Variants in TSHZ3 observed in about 807,000 individuals in gnomAD.
The protein encoded by TSHZ3 is teashirt zinc finger homeobox 3.
Under a neutral mutation model 64.5 loss-of-function variants are expected in TSHZ3, and 10 were observed. That is an observed-to-expected ratio of 0.16 (90% CI 0.10 to 0.26). The LOEUF (loss-of-function observed/expected upper bound fraction) is 0.26. Ranked by LOEUF, TSHZ3 falls within the 10% of genes least tolerant of loss-of-function variation. The probability of loss-of-function intolerance (pLI) is 1.00; values close to 1 mark genes in which losing one functional copy is unlikely to be tolerated. For missense variants in TSHZ3, 1,242 were observed against 1,421.7 expected, an observed-to-expected ratio of 0.87 and a Z score of 2.03; for synonymous variants, 608 against 593.1, an observed-to-expected ratio of 1.03 and a Z score of -0.36.
chr19:31,169,124 AAGAG>A (rs796153930), intron 5 of TSHZ3, among the ~76,000 whole-genome samples: 7 of 151,334 alleles, frequency 4.6e-5, no homozygotes, highest in Admixed American at 1.3e-4. Context: ...TGAAAAAAAA[AAGAG>A]AGAGAGAGAG....
At chr19:31,326,079 C>A (rs567275728) in intron 1 of TSHZ3, among the ~76,000 whole-genome samples, 1 of 152,330 alleles carries the variant, frequency 6.6e-6, no homozygotes, top group South Asian at 2.1e-4. Flanking sequence ...CTTTTGGATG[C>A]ATGTCAAAGT....
chr19:31,338,064 C>T (rs368421037), intron 1 of TSHZ3, among the ~76,000 whole-genome samples: 5 of 152,222 alleles, frequency 3.3e-5, no homozygotes, highest in South Asian at 4.1e-4. Context: ...TTTGCACTAT[C>T]GGGGCTCTCC....
At chr19:31,224,760 A>G (rs558171804) in intron 4 of TSHZ3, among the ~76,000 whole-genome samples, 1 of 152,354 alleles carries the variant, frequency 6.6e-6, no homozygotes, top group East Asian at 1.9e-4. Context: ...TAAAAACAAT[A>G]AAACAAGGGG....
chr19:31,214,317 G>A (rs1372582915), intron 4 of TSHZ3, among the ~76,000 whole-genome samples: 1 of 152,208 alleles, frequency 6.6e-6, no homozygotes, highest in Non-Finnish European at 1.5e-5. Flanking sequence ...CTCAGCTGGC[G>A]TGACCTCATA....
chr19:31,194,245 C>G (rs773636725), intron 5 of TSHZ3, among the ~76,000 whole-genome samples: 3 of 152,110 alleles, frequency 2.0e-5, no homozygotes, highest in Non-Finnish European at 4.4e-5. Flanking sequence ...AGTTTTACCC[C>G]CTGGAGCTGG....
chr19:31,263,472 C>A lies in TSHZ3; in HGVS notation n.64-20597G>T, dbSNP rs1032495356. On this transcript the variant is annotated intron_variant and non_coding_transcript_variant, in intron 1 of 6. Transcript: ENST00000651361. ...CCCCAGCAGCGAGCACGAGGAGCTG[C>A]GAAGGCATGAAGGAAAGCTGCCTTC... Among the ~76,000 whole-genome samples, 9 of 152,314 alleles carry A rather than the reference C, an allele frequency of 5.9e-5. No homozygotes were observed. In the South Asian group the frequency reaches 6.2e-4, roughly 11 times the overall value.
chr19:31,324,806 T>C (rs1296170660), intron 1 of TSHZ3, among the ~76,000 whole-genome samples: 1 of 151,710 alleles, frequency 6.6e-6, no homozygotes. Context: ...GGTATAGTGA[T>C]TCCATGGAAG....
intron 5 of TSHZ3, among the ~76,000 whole-genome samples, chr19:31,201,505 T>C (rs1311555282): frequency 6.6e-6 from 1 of 152,206 alleles, no homozygotes; most frequent in Non-Finnish European, 1.5e-5. Context: ...TATGGAAATA[T>C]CAATGATTTT....
intron 1 of TSHZ3, among the ~76,000 whole-genome samples, chr19:31,315,439 C>T (rs903692018): frequency 2.6e-5 from 4 of 152,116 alleles, no homozygotes; most frequent in Admixed American, 6.5e-5. Context: ...CTCCTGGGGG[C>T]GGGGTGCTGG....
chr19:31,249,646 G>A (rs1328900984), intron 1 of TSHZ3, among the ~76,000 whole-genome samples: 1 of 152,204 alleles, frequency 6.6e-6, no homozygotes, highest in Non-Finnish European at 1.5e-5. Flanking sequence ...GTTCAGTTTT[G>A]ACAAAACCTC....
At chr19:31,205,938 G>A (rs977626401) in intron 4 of TSHZ3, among the ~76,000 whole-genome samples, 1 of 152,312 alleles carries the variant, frequency 6.6e-6, no homozygotes, top group South Asian at 2.1e-4. Flanking sequence ...TACATGGTTG[G>A]CTGGATGGAG....
At chr19:31,300,757 C>T (rs992863176) in intron 1 of TSHZ3, among the ~76,000 whole-genome samples, 1 of 152,084 alleles carries the variant, frequency 6.6e-6, no homozygotes, top group South Asian at 2.1e-4. Flanking sequence ...GAGAGATTCT[C>T]GGTAGGAAGT....
chr19:31,191,420 C>T (rs1330288739), intron 5 of TSHZ3, among the ~76,000 whole-genome samples: 1 of 152,044 alleles, frequency 6.6e-6, no homozygotes, highest in Non-Finnish European at 1.5e-5. Flanking sequence ...AATAAGTCAA[C>T]CTAGAATCCT....
intron 4 of TSHZ3, among the ~76,000 whole-genome samples, chr19:31,226,035 G>A (rs757027626): frequency 6.6e-5 from 10 of 151,828 alleles, no homozygotes; most frequent in Non-Finnish European, 1.5e-4. Context: ...GCTGAGGCAG[G>A]AGAATCACTG....
At chr19:31,303,646 T>C (rs568843156) in intron 1 of TSHZ3, among the ~76,000 whole-genome samples, 1 of 152,100 alleles carries the variant, frequency 6.6e-6, no homozygotes, top group South Asian at 2.1e-4. Context: ...CTCTCTCCTC[T>C]GTTGGCATTT....
upstream of TSHZ3, among the ~76,000 whole-genome samples, chr19:31,350,816 CG>C (rs1369976659): frequency 6.8e-6 from 1 of 147,862 alleles, no homozygotes; most frequent in East Asian, 2.0e-4. Flanking sequence ...GCGCGGGCGG[CG>C]GCGCATCGAT....
At chr19:31,322,578 G>A (rs1465939467) in intron 1 of TSHZ3, among the ~76,000 whole-genome samples, 1 of 152,050 alleles carries the variant, frequency 6.6e-6, no homozygotes, top group Non-Finnish European at 1.5e-5. Context: ...ATGCTACCAT[G>A]CCCAGCTAAC....
intron 1 of TSHZ3, among the ~76,000 whole-genome samples, chr19:31,299,495 G>A (rs926353869): frequency 2.6e-5 from 4 of 152,176 alleles, no homozygotes; most frequent in Non-Finnish European, 5.9e-5. Flanking sequence ...AAGAGGGAAA[G>A]TCATTTTTAT....
At chr19:31,317,496 C>T (rs578143258) in intron 1 of TSHZ3, among the ~76,000 whole-genome samples, 3 of 152,188 alleles carry the variant, frequency 2.0e-5, no homozygotes, top group Non-Finnish European at 4.4e-5. Context: ...TGTCCTCACC[C>T]CAAATTTACT....
Sources: allele counts gnomAD v4.1 joint callset (sites outside exome capture counted in the v4.1 genomes callset), GRCh38; gene constraint gnomAD v4.1.1; transcripts MANE v1.5; gene names NCBI Gene and HGNC (gene_info 2026-07-23, HGNC 2026-07-21).